The following SEC23A variants were observed in gnomAD, a reference collection of about 807,000 sequenced individuals.
SEC23A encodes protein transport protein Sec23A.
In SEC23A, 56 loss-of-function variants were observed where a neutral mutation model predicts 103.7. The ratio of observed to expected loss-of-function variants is 0.54; its 90% CI spans 0.44 to 0.67. The LOEUF is 0.67. Among genes scored for constraint, SEC23A ranks in the 30% least tolerant of loss-of-function variants. SEC23A has a pLI of 0.00. For missense variants in SEC23A, 784 were observed against 936.4 expected, an observed-to-expected ratio of 0.84 and a Z score of 2.12; for synonymous variants, 281 against 293.0, an observed-to-expected ratio of 0.96 and a Z score of 0.42.
At chr14:39,059,296 A>C (rs1886379057) in intron 13 of SEC23A, among the ~76,000 whole-genome samples, 1 of 116,174 alleles carries the variant, frequency 8.6e-6, no homozygotes, top group African/African-American at 3.3e-5. Context: ...AAAAAAAAAA[A>C]AAAAAAAAAA....
At chr14:39,049,714 G>A (rs1209627261) in intron 14 of SEC23A, among the ~76,000 whole-genome samples, 1 of 151,610 alleles carries the variant, frequency 6.6e-6, no homozygotes, top group African/African-American at 2.4e-5. Context: ...GGAGGTTGAG[G>A]CTACTCTGTA....
intron 7 of SEC23A, among the ~76,000 whole-genome samples, chr14:39,084,662 C>A (rs1441899189): frequency 1.3e-5 from 2 of 151,826 alleles, no homozygotes; most frequent in African/African-American, 4.8e-5. Flanking sequence ...GATAAGAGTA[C>A]CTTTTGTTTT....
chr14:39,043,233 T>C (rs1241487254), intron 16 of SEC23A, among the ~76,000 whole-genome samples: 1 of 152,130 alleles, frequency 6.6e-6, no homozygotes, highest in African/African-American at 2.4e-5. Context: ...CCTCCTGCCT[T>C]AGCCTCCCAA....
chr14:39,087,063 C>G (rs1887470666), intron 5 of SEC23A, 55 bp from the exon 6 acceptor site: 8 of 1,030,220 alleles, frequency 7.8e-6, no homozygotes. Flanking sequence ...AAAGATTTAT[C>G]AACTATTTAT....
Position 39,061,843 on chromosome 14 carries a change from C to A in SEC23A, c.1427G>T (p.Arg476Leu), listed in dbSNP as rs144799352. ...CTGAGTCACAAACTGGATTGCACCA[C>A]GCCCTCCTTGAGGAATTGGAGCATT... The part of the protein sequence containing the change: ...QHNAPIPQGG[R>L]GAIQFVTQYQ... The change falls in exon 13 of 20, where the codon CGT becomes CTT. Residue 476 changes from arginine to leucine, a missense_variant. Coordinates refer to ENST00000307712, the MANE Select transcript of SEC23A (RefSeq NM_006364.4). 7 of 1,613,754 alleles carry A rather than the reference C, an allele frequency of 4.3e-6. No individual in the cohort carries two copies. Among genetic ancestry groups the A allele is most frequent in the Non-Finnish European group, 5.9e-6 (7 of 1,179,672 alleles).
chr14:39,077,574 TAG>T (rs900437666), intron 7 of SEC23A, among the ~76,000 whole-genome samples: 8 of 146,996 alleles, frequency 5.4e-5, no homozygotes, highest in East Asian at 2.0e-4. Flanking sequence ...GAGACAAAGA[TAG>T]AGAGAGAGAG....
At chr14:39,067,029 A>G in intron 10 of SEC23A, 144 bp downstream of exon 10, 1 of 960,346 alleles carries the variant, frequency 1.0e-6, no homozygotes, top group Non-Finnish European at 1.6e-6. Flanking sequence ...CTGGTGAAGA[A>G]AATCTCTAAC....
chr14:39,060,096 C>A (rs958304532), intron 13 of SEC23A, among the ~76,000 whole-genome samples: 1 of 145,680 alleles, frequency 6.9e-6, no homozygotes, highest in Non-Finnish European at 1.5e-5. Context: ...TTAATGTGTG[C>A]ACACACATGT....
intron 15 of SEC23A, among the ~76,000 whole-genome samples, chr14:39,045,709 C>T (rs1885807025): frequency 6.6e-6 from 1 of 152,176 alleles, no homozygotes; most frequent in Non-Finnish European, 1.5e-5. Flanking sequence ...ACAAAAACCC[C>T]TTGCTCAAAT....
At chr14:39,094,434 A>T (rs1594486910) in intron 2 of SEC23A, among the ~76,000 whole-genome samples, 2 of 29,844 alleles carry the variant, frequency 6.7e-5, no homozygotes, top group South Asian at 1.1e-3. Flanking sequence ...ATATATATAT[A>T]TATATATATT....
chr14:39,041,444 G>A (rs1220885709), intron 17 of SEC23A: 7 of 53,010 alleles, frequency 1.3e-4, no homozygotes, highest in African/African-American at 1.9e-4. Context: ...AGCCCTGTCA[G>A]TATTACAGGT....
Position 39,033,298 on chromosome 14 carries a change from C to T in SEC23A, c.2239G>A (p.Val747Ile), listed in dbSNP as rs773735142. 9 of 1,612,592 alleles carry T rather than the reference C, an allele frequency of 5.6e-6. No individual in the cohort carries two copies. The highest frequency in any genetic ancestry group is 1.7e-5 in the Admixed American group (1 of 59,890). ...TGATCCATAAACACTTGTAAACTAACATCATCTGTAAGAATAGGTGCTCCA... is the reference window on the plus strand; with the variant it reads ...TGATCCATAAACACTTGTAAACTAATATCATCTGTAAGAATAGGTGCTCCA... ...ESGAPILTDD[V>I]SLQVFMDHLK... The change falls in exon 20 of 20, where the codon GTT (valine) becomes ATT (isoleucine). Residue 747 changes from valine to isoleucine, a missense_variant. By Grantham distance (29) the Val-to-Ile change is conservative. Around this residue, in one of 2 missense-constraint regions of SEC23A, gnomAD observed 101 missense variants for 162.2 expected, o/e 0.62. Coordinates refer to ENST00000307712, the MANE Select transcript of SEC23A (RefSeq NM_006364.4).
rs569744831 is a variant in SEC23A at position 39,035,658 on chromosome 14, T to G, written c.2209-2330A>C. Among the ~76,000 whole-genome samples the G allele has an allele frequency of 2.0e-5, 3 of 152,320 alleles. No individual in the cohort carries two copies. In the East Asian group the frequency reaches 5.8e-4, roughly 29 times the overall value. On this transcript the variant is annotated intron_variant, in intron 19 of 19. Coordinates refer to ENST00000307712, the MANE Select transcript of SEC23A (RefSeq NM_006364.4). ...TTATTTACCTATATTACAAAAACTC[T>G]TAACTCCTAGCCACCTCCACAGATT...
chr14:39,034,781 A>C (rs1419442788), intron 19 of SEC23A, among the ~76,000 whole-genome samples: 1 of 152,172 alleles, frequency 6.6e-6, no homozygotes, highest in Non-Finnish European at 1.5e-5. Context: ...TTTCTATTTA[A>C]AATATATCCA....
rs1325196444 is a variant in SEC23A, at chr14:39,045,303, A to T, written c.1759T>A (p.Ser587Thr). 9.9e-6 allele frequency: 16 copies of T among 1,608,604 alleles called. No homozygotes were observed. The highest frequency in any genetic ancestry group is 1.2e-5 in the Non-Finnish European group (14 of 1,175,388). Reference sequence around the variant, plus strand: ...TTGTTAAAAACTTGCAGGAAAGAAGATCTTCTTAAATGAAACATAAACTGT... The same window carrying T: ...TTGTTAAAAACTTGCAGGAAAGAAGTTCTTCTTAAATGAAACATAAACTGT... ...YPQFMFHLRR[S>T]SFLQVFNNSP... Residue 587 changes from serine (S) to threonine (T), a missense_variant, in exon 16 of 20, where the codon TCT (serine) becomes ACT (threonine). Physicochemically the swap from Ser to Thr is moderately conservative, Grantham distance 58. Around this residue, in one of 2 missense-constraint regions of SEC23A, gnomAD observed 683 missense variants for 774.2 expected, o/e 0.88. Coordinates refer to ENST00000307712, the MANE Select transcript of SEC23A (RefSeq NM_006364.4).
In SEC23A at chr14:39,067,220, T is replaced by A. The variant is rs775480198; in HGVS notation, c.1180A>T (p.Met394Leu). 1 of 1,613,750 alleles carries A rather than the reference T, an allele frequency of 6.2e-7. No homozygotes were observed. Among genetic ancestry groups the A allele is most frequent in the Non-Finnish European group, 8.5e-7 (1 of 1,179,776 alleles). Reference sequence around the variant, plus strand: ...AAGCCCATTTTAAACTGTCCATGCATGTCTTTGGTAAAGACTCTTTGAAAA... The same window carrying A: ...AAGCCCATTTTAAACTGTCCATGCAAGTCTTTGGTAAAGACTCTTTGAAAA... Reference protein sequence around the residue: ...QTFQRVFTKDMHGQFKMGFGG... With the variant: ...QTFQRVFTKDLHGQFKMGFGG... Residue 394 changes from methionine to leucine, a missense_variant, in exon 10 of 20, where the codon ATG (methionine) becomes TTG (leucine). Coordinates refer to ENST00000307712, the MANE Select transcript of SEC23A (RefSeq NM_006364.4).
At chr14:39,064,857 G>T in intron 11 of SEC23A, 56 bp downstream of exon 11, 1 of 1,268,834 alleles carries the variant, frequency 7.9e-7, no homozygotes, top group Non-Finnish European at 1.2e-6. Context: ...TGGGATTACA[G>T]GTGCAAGCCA....
Position 39,094,416 on chromosome 14 carries a change from ATATATATATATATATATATATATATATTT to A in SEC23A, c.222-1201_222-1173del, listed in dbSNP as rs1266659946. On this transcript the variant is annotated intron_variant, in intron 2 of 19. Transcript: ENST00000307712. ...CACACACATATATATATATATATATATATATATATATATATATATATATATATTTTTTTTTTTTTTTTTTCCCCTCCTGT... is the reference window on the plus strand; with the variant it reads ...CACACACATATATATATATATATATATTTTTTTTTTTTTTTCCCCTCCTGT... Among the ~76,000 whole-genome samples the A allele has an allele frequency of 2.9e-4, 15 of 52,270 alleles. 4 individuals are homozygous for A. The highest frequency in any genetic ancestry group is 7.9e-4 in the African/African-American group (5 of 6,292). 34.3% of individuals were successfully genotyped at this position (52,270 alleles called of 152,430 possible). A position where few individuals can be genotyped will look rare whatever the true frequency, so the allele number is the denominator to read the frequency against.
At chr14:39,101,949 T>C (rs58554991) in intron 1 of SEC23A, among the ~76,000 whole-genome samples, 2,769 of 152,234 alleles carry the variant, frequency 0.018, 86 homozygotes, top group African/African-American at 0.063. Flanking sequence ...AGCTGGACTC[T>C]GGCCGGGCGC....
Sources: gnomAD v4.1 joint callset for allele counts (sites outside exome capture counted in the v4.1 genomes callset) on GRCh38, gnomAD v4.1.1 for gene constraint, gnomAD v4.1.1 regional missense constraint, MANE v1.5 for transcripts, NCBI Gene and HGNC (gene_info 2026-07-23, HGNC 2026-07-21) for gene names.